Variants in BMPR1B observed in about 807,000 individuals in gnomAD.
BMPR1B encodes the protein bone morphogenetic protein receptor type 1B, also known as bone morphogenetic protein receptor type-1B.
BMPR1B carries 12 observed loss-of-function variants against 59.1 expected under a neutral mutation model. The observed-to-expected ratio is 0.20, with a 90% confidence interval of 0.13 to 0.33. The LOEUF is 0.33. BMPR1B is among the 10% of genes least tolerant of loss of function. BMPR1B has a pLI of 1.00. For missense variants in BMPR1B, 550 were observed against 610.9 expected (o/e 0.90, Z 1.05); for synonymous variants, 237 against 207.3 (o/e 1.14, Z -1.23).
intron 3 of BMPR1B, among the ~76,000 whole-genome samples, chr4:95,052,036 C>A (rs945980321): frequency 1.3e-5 from 2 of 152,134 alleles, no homozygotes; most frequent in Non-Finnish European, 1.5e-5. Context: ...AAACTTGGAA[C>A]TTTAGGAAAT....
chr4:95,105,697 G>A (rs1461701119), intron 4 of BMPR1B, among the ~76,000 whole-genome samples: 2 of 151,824 alleles, frequency 1.3e-5, no homozygotes, highest in Non-Finnish European at 2.9e-5. Flanking sequence ...ATGAAATTTG[G>A]GATCCAGAGA....
intron 3 of BMPR1B, among the ~76,000 whole-genome samples, chr4:95,062,227 C>T (rs780315589): frequency 3.0e-4 from 45 of 152,094 alleles, no homozygotes; most frequent in Non-Finnish European, 5.9e-4. Context: ...ACATTCCCTA[C>T]CATCACCACC....
At chr4:94,914,869 C>G (rs962518682) in intron 2 of BMPR1B, among the ~76,000 whole-genome samples, 3 of 152,018 alleles carry the variant, frequency 2.0e-5, no homozygotes, top group African/African-American at 4.8e-5. Flanking sequence ...AACTCTCTCT[C>G]CTGTTAGAAT....
At chr4:95,056,866 T>C (rs1316310999) in intron 3 of BMPR1B, among the ~76,000 whole-genome samples, 1 of 152,204 alleles carries the variant, frequency 6.6e-6, no homozygotes, top group African/African-American at 2.4e-5. Flanking sequence ...GTTTTCACAG[T>C]CTGGAAAGTT....
At chr4:94,902,241 CACACACACAGAGAGAGAGAGAGAG>C (rs1196376926) in intron 2 of BMPR1B, among the ~76,000 whole-genome samples, 4 of 97,766 alleles carry the variant, frequency 4.1e-5, no homozygotes, top group African/African-American at 1.3e-4. Context: ...CACACACACA[CACACACACAGAGAGAGAGAGAGAG>C]AGAGAGAGAG....
At chr4:95,139,536 G>A (rs1734058834) in intron 10 of BMPR1B, among the ~76,000 whole-genome samples, 2 of 152,244 alleles carry the variant, frequency 1.3e-5, no homozygotes, top group Admixed American at 1.3e-4. Context: ...AGGCAGGCAG[G>A]CGTCCTTGAG....
intron 2 of BMPR1B, among the ~76,000 whole-genome samples, chr4:94,984,951 G>C (rs1721309295): frequency 6.6e-6 from 1 of 152,156 alleles, no homozygotes. Context: ...ATATAGTTCT[G>C]TTCTGGCTTA....
At position 94,803,039 on chromosome 4, in the gene BMPR1B, T is replaced by C. The variant is rs189092431; in HGVS notation, c.-183+44971T>C. On this transcript the variant is annotated intron_variant, in intron 1 of 12. Transcript: ENST00000515059. ...TTCTCCTAGTTGCTGAATGCCGTAT[T>C]GACCTCCAGTGCTCATGGTTGCAAG... is the stretch of plus-strand genomic sequence containing the variant. Among the ~76,000 whole-genome samples, 502 of 152,276 alleles carry C rather than the reference T, an allele frequency of 3.3e-3. 1 individual carries two copies. Among genetic ancestry groups the C allele is most frequent in the African/African-American group, 0.012 (486 of 41,558 alleles).
intron 3 of BMPR1B, among the ~76,000 whole-genome samples, chr4:95,023,437 A>AT (rs1194788866): frequency 6.6e-6 from 1 of 152,168 alleles, no homozygotes; most frequent in Non-Finnish European, 1.5e-5. Flanking sequence ...CCTAGAGTGC[A>AT]GTAGCTCGTT....
At chr4:94,856,996 T>C (rs924802955) in intron 1 of BMPR1B, among the ~76,000 whole-genome samples, 1 of 152,064 alleles carries the variant, frequency 6.6e-6, no homozygotes. Flanking sequence ...TAAAACAGGG[T>C]TGGACACAAA....
intron 6 of BMPR1B, among the ~76,000 whole-genome samples, chr4:95,122,660 G>A (rs1732615777): frequency 6.6e-6 from 1 of 152,084 alleles, no homozygotes; most frequent in Non-Finnish European, 1.5e-5. Context: ...GAGTGTTGAA[G>A]AGGTAGTGAT....
At chr4:94,968,263 C>T (rs1730631615) in intron 2 of BMPR1B, among the ~76,000 whole-genome samples, 1 of 152,128 alleles carries the variant, frequency 6.6e-6, no homozygotes, top group Non-Finnish European at 1.5e-5. Context: ...CTCCTGTCTT[C>T]CTCACTCTTT....
At chr4:94,760,136 GT>G (rs770017060) in intron 1 of BMPR1B, among the ~76,000 whole-genome samples, 73 of 152,114 alleles carry the variant, frequency 4.8e-4, no homozygotes, top group Non-Finnish European at 1.8e-4. Flanking sequence ...CAAAATGTTA[GT>G]TTTTGGTGAG....
intron 1 of BMPR1B, among the ~76,000 whole-genome samples, chr4:94,846,055 C>G (rs55998122): frequency 6.6e-6 from 1 of 152,278 alleles, no homozygotes; most frequent in Non-Finnish European, 1.5e-5. Flanking sequence ...TACCTGACTT[C>G]AAGTTATGCT....
chr4:95,125,111 T>G lies in BMPR1B; in HGVS notation c.575T>G (p.Leu192Arg). Reference protein sequence around the residue: ...QSQSSGSGSGLPLLVQRTIAK... With the variant: ...QSQSSGSGSGRPLLVQRTIAK... ...CAGAGCTCAGGAAGTGGATCAGGCCTCCCTCTGCTGGTATGAGAAGAACAC... is the reference window on the plus strand; with the variant it reads ...CAGAGCTCAGGAAGTGGATCAGGCCGCCCTCTGCTGGTATGAGAAGAACAC... The change falls in exon 8 of 13, where the codon CTC becomes CGC. Residue 192 changes from leucine (L) to arginine (R), a missense_variant. Transcript: ENST00000515059. 2 of 1,613,716 alleles carry G rather than the reference T, an allele frequency of 1.2e-6. No individual in the cohort carries two copies. The highest frequency in any genetic ancestry group is 1.7e-6 in the Non-Finnish European group (2 of 1,179,754).
chr4:94,855,943 T>C (rs1428738120), intron 1 of BMPR1B, among the ~76,000 whole-genome samples: 2 of 152,170 alleles, frequency 1.3e-5, no homozygotes, highest in African/African-American at 4.8e-5. Context: ...ATTTGTCAAA[T>C]GAAAATAAAA....
At chr4:95,006,713 G>A (rs896969994) in intron 3 of BMPR1B, among the ~76,000 whole-genome samples, 3 of 151,584 alleles carry the variant, frequency 2.0e-5, no homozygotes, top group African/African-American at 7.3e-5. Context: ...CTAATTTTTT[G>A]TATCTTTAGT....
chr4:94,827,967 C>G (rs1254890472), intron 1 of BMPR1B, among the ~76,000 whole-genome samples: 1 of 152,142 alleles, frequency 6.6e-6, no homozygotes, highest in Non-Finnish European at 1.5e-5. Flanking sequence ...CATGCTAACA[C>G]AGAGAGAAAA....
In BMPR1B at chr4:95,123,835, C is replaced by T; in HGVS notation, c.375C>T (p.His125=). ...NRDFVDGPIH[H]RALLISVTVC... ...ATTTTGTTGATGGACCTATACACCA[C>T]AGGGCTTTACTTATATCTGTGACTG... Residue 125 remains histidine, a synonymous_variant, in exon 7 of 13, where the codon CAC becomes CAT. Coordinates refer to ENST00000515059, the MANE Select transcript of BMPR1B (RefSeq NM_001203.3). The T allele has an allele frequency of 6.2e-7, 1 of 1,611,432 alleles. No individual in the cohort carries two copies. Among genetic ancestry groups the T allele is most frequent in the Admixed American group, 1.7e-5 (1 of 59,972 alleles).
Sources: gnomAD v4.1 joint callset for allele counts (sites outside exome capture counted in the v4.1 genomes callset) on GRCh38, gnomAD v4.1.1 for gene constraint, MANE v1.5 for transcripts, NCBI Gene and HGNC (gene_info 2026-07-23, HGNC 2026-07-21) for gene names.